The following ARHGAP26 variants were observed in gnomAD, a reference collection of about 807,000 sequenced individuals.
ARHGAP26 encodes the protein Rho GTPase activating protein 26.
Under a neutral mutation model 104.8 loss-of-function variants are expected in ARHGAP26, and 38 were observed. The ratio of observed to expected loss-of-function variants is 0.36; its 90% CI spans 0.28 to 0.48. The LOEUF (loss-of-function observed/expected upper bound fraction) is 0.48, where lower values mean the gene tolerates loss of function less well. Among genes scored for constraint, ARHGAP26 ranks in the 20% least tolerant of loss-of-function variants. ARHGAP26 has a pLI of 0.99. For missense variants in ARHGAP26, 704 were observed against 947.9 expected, an observed-to-expected ratio of 0.74 and a Z score of 3.38; for synonymous variants, 341 against 340.0, an observed-to-expected ratio of 1.00 and a Z score of -0.03.
chr5:142,949,232 G>GAGAGAGAGAGAGAGAGAGAGAGAGAGA lies in ARHGAP26; in HGVS notation c.1107+17107_1107+17108insAGAGAGAGAGAGAGAGAGAGAGAGAGA, dbSNP rs11369150. 2.2e-4 allele frequency among the ~76,000 whole-genome samples: 6 copies of GAGAGAGAGAGAGAGAGAGAGAGAGAGA among 27,320 alleles called. 1 individual carries two copies. Among genetic ancestry groups the GAGAGAGAGAGAGAGAGAGAGAGAGAGA allele is most frequent in the East Asian group, 2.8e-3 (1 of 354 alleles). The allele number at this position is 27,320 out of a possible 152,430, so 17.9% of individuals were successfully genotyped here. A position where few individuals can be genotyped will look rare whatever the true frequency, so the allele number is the denominator to read the frequency against. Reference sequence around the variant, plus strand: ...GAGAGAGAGAGAGAGGAGAGAGAGAGGAGAGAGAGAGAGAGAGAGAGAGAG... The same window carrying GAGAGAGAGAGAGAGAGAGAGAGAGAGA: ...GAGAGAGAGAGAGAGGAGAGAGAGAGAGAGAGAGAGAGAGAGAGAGAGAGAGAGAGAGAGAGAGAGAGAGAGAGAGAG... On this transcript the variant is annotated intron_variant, in intron 11 of 22. Transcript: ENST00000645722.
intron 10 of ARHGAP26, among the ~76,000 whole-genome samples, chr5:142,930,560 A>G (rs1464568333): frequency 6.6e-6 from 1 of 151,884 alleles, no homozygotes; most frequent in African/African-American, 2.4e-5. Context: ...ACGCCCACTC[A>G]TCTAGCTGCC....
At chr5:142,948,594 C>T (rs980687225) in intron 11 of ARHGAP26, among the ~76,000 whole-genome samples, 1 of 151,224 alleles carries the variant, frequency 6.6e-6, no homozygotes, top group African/African-American at 2.4e-5. Flanking sequence ...TGATAGTTAA[C>T]AATTGATTTT....
chr5:143,206,848 G>T (rs996079527), intron 20 of ARHGAP26, among the ~76,000 whole-genome samples: 2 of 152,254 alleles, frequency 1.3e-5, no homozygotes, highest in Admixed American at 6.5e-5. Context: ...CTATAAGCTA[G>T]CCCTGCCTCA....
chr5:142,894,035 A>G (rs1356264419), intron 5 of ARHGAP26, among the ~76,000 whole-genome samples: 5 of 151,974 alleles, frequency 3.3e-5, no homozygotes, highest in Non-Finnish European at 5.9e-5. Flanking sequence ...TTTTAAAAAA[A>G]TATGTATTTA....
chr5:143,038,205 T>A (rs1044669842), intron 13 of ARHGAP26, among the ~76,000 whole-genome samples: 1 of 152,320 alleles, frequency 6.6e-6, no homozygotes, highest in Non-Finnish European at 1.5e-5. Context: ...AGAAATTCTC[T>A]CTTTTAAAGC....
intron 1 of ARHGAP26, among the ~76,000 whole-genome samples, chr5:142,830,137 T>C (rs1037558650): frequency 6.6e-6 from 1 of 152,254 alleles, no homozygotes; most frequent in Admixed American, 6.5e-5. Flanking sequence ...GGGGATGTTA[T>C]TCATGTTCAA....
chr5:142,954,046 C>G (rs1298148903), intron 11 of ARHGAP26, among the ~76,000 whole-genome samples: 1 of 152,180 alleles, frequency 6.6e-6, no homozygotes, highest in Non-Finnish European at 1.5e-5. Flanking sequence ...CGCAAGTATG[C>G]TGTCTGAGCA....
Position 142,770,789 on chromosome 5 carries a change from G to C in ARHGAP26, c.28G>C (p.Asp10His). Residue 10 changes from aspartate to histidine, a missense_variant, in exon 1 of 23, where the codon GAC (aspartate) becomes CAC (histidine). Physicochemically the swap from Asp to His is moderately conservative, Grantham distance 81. Transcript: ENST00000645722. ...GGGGCTCCCAGCGCTCGAGTTCAGC[G>C]ACTGCTGCCTCGATAGTCCGCACTT... Reference protein sequence around the residue: MGLPALEFSDCCLDSPHFRE... With the variant: MGLPALEFSHCCLDSPHFRE... The C allele has an allele frequency of 1.3e-6, 2 of 1,560,420 alleles. No homozygotes were observed.
chr5:142,921,733 A>C (rs1763219431), intron 10 of ARHGAP26: 1 of 157,286 alleles, frequency 6.4e-6, no homozygotes. Flanking sequence ...TAGCTGTGTG[A>C]CTCTGGGTAA....
At chr5:142,979,609 A>C (rs1216281342) in intron 11 of ARHGAP26, among the ~76,000 whole-genome samples, 1 of 152,250 alleles carries the variant, frequency 6.6e-6, no homozygotes, top group East Asian at 1.9e-4. Flanking sequence ...GGCTTGTGAA[A>C]TATTTTTCAA....
intron 1 of ARHGAP26, among the ~76,000 whole-genome samples, chr5:142,773,995 T>C (rs1282148600): frequency 6.6e-6 from 1 of 152,238 alleles, no homozygotes; most frequent in Non-Finnish European, 1.5e-5. Context: ...AAGCGCTTCT[T>C]GAATGGCATA....
intron 1 of ARHGAP26, among the ~76,000 whole-genome samples, chr5:142,835,618 T>TG (rs1411630483): frequency 6.6e-6 from 1 of 152,250 alleles, no homozygotes; most frequent in Non-Finnish European, 1.5e-5. Context: ...TTTCGTGATT[T>TG]GGTAATGATA....
intron 17 of ARHGAP26, among the ~76,000 whole-genome samples, chr5:143,110,938 C>T (rs1794703996): frequency 6.6e-6 from 1 of 152,212 alleles, no homozygotes; most frequent in Non-Finnish European, 1.5e-5. Context: ...AATGTGTTTT[C>T]CCTGTGCATG....
At chr5:143,042,615 GA>G (rs1251133159) in intron 14 of ARHGAP26, among the ~76,000 whole-genome samples, 3 of 152,346 alleles carry the variant, frequency 2.0e-5, no homozygotes, top group Non-Finnish European at 4.4e-5. Flanking sequence ...AGGTTTCACA[GA>G]GGCTGTTATT....
chr5:142,987,480 C>G (rs1198458982), intron 11 of ARHGAP26, among the ~76,000 whole-genome samples: 1 of 152,090 alleles, frequency 6.6e-6, no homozygotes, highest in Admixed American at 6.6e-5. Context: ...AATTCAATAC[C>G]TTTTATTTCT....
At chr5:143,088,718 G>A (rs1157887864) in intron 17 of ARHGAP26, among the ~76,000 whole-genome samples, 3 of 152,178 alleles carry the variant, frequency 2.0e-5, no homozygotes, top group South Asian at 4.1e-4. Flanking sequence ...AGCGGTGAGC[G>A]CACACTTTGG....
At chr5:143,074,505 AG>A (rs1468656902) in intron 17 of ARHGAP26, among the ~76,000 whole-genome samples, 1 of 152,234 alleles carries the variant, frequency 6.6e-6, no homozygotes, top group African/African-American at 2.4e-5. Flanking sequence ...AAAATAATTG[AG>A]AAAAAAATGC....
rs17650659 is a variant in ARHGAP26, at chr5:143,056,531, A to G, written c.1432+445A>G. 2.1e-3 allele frequency among the ~76,000 whole-genome samples: 325 copies of G among 152,120 alleles called. 5 individuals carry two copies. In the East Asian group the frequency reaches 0.042, roughly 20 times the overall value. ...AATATGACACCATTTATATAACTTC[A>G]CAGTCCTCTTTTCCATTATGTCTTC... On this transcript the variant is annotated intron_variant, in intron 16 of 22. Transcript: ENST00000645722.
chr5:142,996,266 G>A (rs967997311), intron 11 of ARHGAP26, among the ~76,000 whole-genome samples: 1 of 152,132 alleles, frequency 6.6e-6, no homozygotes, highest in African/African-American at 2.4e-5. Context: ...GGCCGAGGTG[G>A]GCAGATCACC....
Sources: allele counts gnomAD v4.1 joint callset (sites outside exome capture counted in the v4.1 genomes callset), GRCh38; gene constraint gnomAD v4.1.1; transcripts MANE v1.5; gene names NCBI Gene and HGNC (gene_info 2026-07-23, HGNC 2026-07-21).